The following ABCA5 variants were observed in gnomAD, a reference collection of about 807,000 sequenced individuals.
ABCA5 encodes cholesterol transporter ABCA5.
A neutral mutation model predicts 206.0 loss-of-function variants in ABCA5; 163 were observed. The observed-to-expected ratio is 0.79, with a 90% CI of 0.70 to 0.90. The LOEUF (loss-of-function observed/expected upper bound fraction) is 0.90, where lower values mean the gene tolerates loss of function less well. Ranked by LOEUF, ABCA5 falls within the 40% of genes least tolerant of loss-of-function variation. ABCA5 has a pLI of 0.00. For synonymous variants in ABCA5, 609 were observed against 613.8 expected (o/e 0.99, Z 0.11); for missense variants, 1,859 against 1,912.9 (o/e 0.97, Z 0.53).
chr17:69,266,626 T>C (rs2075212267), intron 23 of ABCA5, among the ~76,000 whole-genome samples: 1 of 146,772 alleles, frequency 6.8e-6, no homozygotes, highest in South Asian at 2.1e-4. Flanking sequence ...AAATAAAAAA[T>C]TTATATTGGA....
chr17:69,282,127 C>T (rs150767636), intron 18 of ABCA5, among the ~76,000 whole-genome samples: 156 of 152,306 alleles, frequency 1.0e-3, no homozygotes, highest in African/African-American at 3.6e-3. Context: ...AATCCCTCAC[C>T]GTCCTCTGTT....
chr17:69,262,802 C>G (rs978953418), intron 24 of ABCA5, among the ~76,000 whole-genome samples: 4 of 152,086 alleles, frequency 2.6e-5, no homozygotes, highest in Non-Finnish European at 5.9e-5. Context: ...TGAGAACTCT[C>G]CAAACTGCTT....
Position 69,248,268 on chromosome 17 carries a change from C to A in ABCA5, c.4815G>T (p.Leu1605Phe). ...IEEYSFSQAT[L>F]EQVFVELTKE... ...AAATTTAACTTTATAGTACCTGTTCCAATGTTGCTTGAGAAAAGCTATATT... is the reference window on the plus strand; with the variant it reads ...AAATTTAACTTTATAGTACCTGTTCAAATGTTGCTTGAGAAAAGCTATATT... Residue 1605 changes from leucine (L) to phenylalanine (F), a missense_variant, in exon 38 of 39, where the codon TTG (leucine) becomes TTT (phenylalanine). Coordinates refer to ENST00000392676, the MANE Select transcript of ABCA5 (RefSeq NM_172232.4). 6.5e-7 allele frequency: 1 copy of A among 1,548,754 alleles called. No individual in the cohort carries two copies. The highest frequency in any genetic ancestry group is 8.8e-7 in the Non-Finnish European group (1 of 1,132,654).
intron 11 of ABCA5, 67 bp downstream of exon 11, chr17:69,294,588 G>T: frequency 7.9e-7 from 1 of 1,266,658 alleles, no homozygotes; most frequent in Non-Finnish European, 1.1e-6. Flanking sequence ...TTTCCCACAA[G>T]CTATGCAAAT....
intron 11 of ABCA5, among the ~76,000 whole-genome samples, chr17:69,294,049 T>C (rs921830333): frequency 6.6e-6 from 1 of 152,128 alleles, no homozygotes; most frequent in African/African-American, 2.4e-5. Flanking sequence ...AATGAATTTT[T>C]CAAAAAGTAA....
At chr17:69,256,072 G>T in intron 29 of ABCA5, 85 bp downstream of exon 29, 1 of 1,438,494 alleles carries the variant, frequency 7.0e-7, no homozygotes, top group Non-Finnish European at 9.2e-7. Flanking sequence ...CATATGCAAA[G>T]AAAAATATTT....
intron 37 of ABCA5, 120 bp downstream of exon 37, chr17:69,249,785 A>G: frequency 7.8e-7 from 1 of 1,281,992 alleles, no homozygotes; most frequent in Non-Finnish European, 1.1e-6. Flanking sequence ...TCATAATTTG[A>G]GAGCTACAAC....
intron 37 of ABCA5, chr17:69,249,055 G>A (rs1348129918): frequency 6.6e-6 from 1 of 152,062 alleles, no homozygotes; most frequent in Non-Finnish European, 1.5e-5. Context: ...TGAACATCAT[G>A]CAGGCCATAT....
intron 3 of ABCA5, among the ~76,000 whole-genome samples, chr17:69,311,633 G>A (rs2075771186): frequency 6.6e-6 from 1 of 152,090 alleles, no homozygotes; most frequent in Admixed American, 6.5e-5. Context: ...GGGACTACAG[G>A]CACCCACCAC....
chr17:69,251,671 A>G, intron 35 of ABCA5, 76 bp downstream of exon 35: 44 of 1,526,902 alleles, frequency 2.9e-5, no homozygotes, highest in Non-Finnish European at 3.8e-5. Flanking sequence ...AACTATTGCC[A>G]TGTTTTTGAA....
chr17:69,322,604 T>C (rs991156812), intron 1 of ABCA5, among the ~76,000 whole-genome samples: 6 of 152,184 alleles, frequency 3.9e-5, no homozygotes, highest in African/African-American at 1.4e-4. Context: ...AAGCAGTGCT[T>C]TCCTTAGAAG....
intron 1 of ABCA5, chr17:69,314,997 C>T (rs1239809972): frequency 6.6e-5 from 10 of 152,290 alleles, no homozygotes; most frequent in Admixed American, 6.5e-4. Flanking sequence ...CCATTGGGCC[C>T]TGGATATGGT....
chr17:69,265,147 A>C (rs553920310), intron 23 of ABCA5, among the ~76,000 whole-genome samples: 1 of 152,248 alleles, frequency 6.6e-6, no homozygotes, highest in East Asian at 1.9e-4. Flanking sequence ...AGAATACAGT[A>C]GTGCTGCCAA....
Position 69,291,346 on chromosome 17 carries a change from G to A in ABCA5, c.1496-20C>T, listed in dbSNP as rs2144984999. 1 of 1,473,332 alleles carries A rather than the reference G, an allele frequency of 6.8e-7. No homozygotes were observed. The highest frequency in any genetic ancestry group is 1.7e-4 in the Middle Eastern group (1 of 5,770). The allele number at this position is 1,473,332 out of a possible 1,614,324, so 91.3% of individuals were successfully genotyped here. On this transcript the variant is annotated intron_variant, in intron 11 of 38. Coordinates refer to ENST00000392676, the MANE Select transcript of ABCA5 (RefSeq NM_172232.4). ...ACAAATCTAGTTCAGGAAAAAAGAA[G>A]ACTCAAATGTAATTTTTATGTCTGT...
In ABCA5 at chr17:69,246,667, TA is replaced by T. The variant is rs1348296990; in HGVS notation, c.*869del. ...AAAACAAATACCCAATAAAATATTTTATTCAAGAACAAAATTAAATGTGCCC... is the reference window on the plus strand; with the variant it reads ...AAAACAAATACCCAATAAAATATTTTTTCAAGAACAAAATTAAATGTGCCC... On this transcript the variant is annotated 3_prime_UTR_variant, in exon 39 of 39. Transcript: ENST00000392676. The T allele has an allele frequency of 1.3e-5, 2 of 151,880 alleles. No homozygotes were observed. The highest frequency in any genetic ancestry group is 3.0e-5 in the Non-Finnish European group (2 of 67,796). 9.4% of individuals were successfully genotyped at this position (151,880 alleles called of 1,614,324 possible). A position where few individuals can be genotyped will look rare whatever the true frequency, so the allele number is the denominator to read the frequency against.
chr17:69,257,146 C>T (rs1006672937), intron 28 of ABCA5, among the ~76,000 whole-genome samples: 1 of 152,098 alleles, frequency 6.6e-6, no homozygotes, highest in African/African-American at 2.4e-5. Flanking sequence ...ATGCAGATCA[C>T]TTGAGGTCAG....
At chr17:69,293,182 C>CACACAT (rs2075546843) in intron 11 of ABCA5, among the ~76,000 whole-genome samples, 2 of 151,888 alleles carry the variant, frequency 1.3e-5, no homozygotes, top group Admixed American at 1.3e-4. Context: ...CACACACACA[C>CACACAT]AATGGAGCAA....
rs201093486 is a variant in ABCA5, at chr17:69,308,362, C to T, written c.476G>A (p.Cys159Tyr). Residue 159 changes from cysteine (C) to tyrosine (Y), a missense_variant, in exon 5 of 39, where the codon TGT becomes TAT. Transcript: ENST00000392676. The stretch of plus-strand genomic sequence containing the variant: ...CTGAGCAGCCTCACATGATTTTGAA[C>T]AGCCAGCTATGGGGGGAAGAATATG... ...SSIYMDSRAG[C>Y]SKSCEAAQYW... 3.6e-5 allele frequency: 58 copies of T among 1,609,902 alleles called. No homozygotes were observed. In the East Asian group the frequency reaches 1.2e-3, roughly 33 times the overall value.
In ABCA5 at chr17:69,245,752, A is replaced by G. The variant is rs926238093; in HGVS notation, c.*1785T>C. The G allele has an allele frequency of 6.6e-6, 1 of 151,886 alleles. No homozygotes were observed. The highest frequency in any genetic ancestry group is 2.4e-5 in the African/African-American group (1 of 41,352). 9.4% of individuals were successfully genotyped at this position (151,886 alleles called of 1,614,324 possible). On this transcript the variant is annotated 3_prime_UTR_variant, in exon 39 of 39. Transcript: ENST00000392676. ...CAACTTTCACTTTGCAGGAAAAAAA[A>G]TTTACTTTGCACCAATTACACATTC...
Sources: gnomAD v4.1 joint callset for allele counts (sites outside exome capture counted in the v4.1 genomes callset) on GRCh38, gnomAD v4.1.1 for gene constraint, MANE v1.5 for transcripts, NCBI Gene and HGNC (gene_info 2026-07-23, HGNC 2026-07-21) for gene names.